Variants in SLC22A5 observed in about 807,000 individuals in gnomAD.
SLC22A5 encodes the protein solute carrier family 22 member 5.
A neutral mutation model predicts 56.7 loss-of-function variants in SLC22A5; 44 were observed. The ratio of observed to expected loss-of-function variants is 0.78; its 90% CI spans 0.61 to 1.00. The LOEUF is 1.00. Among genes scored for constraint, SLC22A5 ranks in the 50% least tolerant of loss-of-function variants. The probability of loss-of-function intolerance (pLI) is 0.00; values close to 1 mark genes in which losing one functional copy is unlikely to be tolerated. For synonymous variants in SLC22A5, 278 were observed against 292.1 expected, an observed-to-expected ratio of 0.95 and a Z score of 0.49; for missense variants, 675 against 723.0, an observed-to-expected ratio of 0.93 and a Z score of 0.76.
intron 1 of SLC22A5, chr5:132,378,053 T>C (rs1023505337): frequency 3.4e-5 from 51 of 1,508,762 alleles, no homozygotes; most frequent in Non-Finnish European, 4.4e-5. Context: ...TCCACAGCCC[T>C]GGGCTCCGCT....
At chr5:132,392,719 C>A in intron 8 of SLC22A5, 104 bp downstream of exon 8, 1 of 963,260 alleles carries the variant, frequency 1.0e-6, no homozygotes, top group Non-Finnish European at 1.6e-6. Flanking sequence ...CAAGTTCATA[C>A]AGTACATGGG....
Position 132,393,767 on chromosome 5 carries a change from T to A in SLC22A5, c.1542T>A (p.Gly514=), listed in dbSNP as rs746506858. The change falls in exon 9 of 10, where the codon GGT becomes GGA. Residue 514 remains glycine, a synonymous_variant. Coordinates refer to ENST00000245407, the MANE Select transcript of SLC22A5 (RefSeq NM_003060.4). ...CCTTGTTTCTCCCAGAGAGCTTCGG[T>A]ACCCCACTCCCAGACACCATTGACC... ...ILTLFLPESF[G]TPLPDTIDQM... is the part of the protein sequence containing the mutation. 2 of 1,614,164 alleles carry A rather than the reference T, an allele frequency of 1.2e-6. No homozygotes were observed. The highest frequency in any genetic ancestry group is 1.7e-6 in the Non-Finnish European group (2 of 1,180,010).
rs4646307 is a variant in SLC22A5, at chr5:132,395,211, CTT to C, written c.*955_*956del. On this transcript the variant is annotated 3_prime_UTR_variant, in exon 10 of 10. Transcript: ENST00000245407. ...GGTTCCTTAGCCTCCTGGTTTGTGT[CTT>C]TTTTTTTTTTTTTTTAAAACAGAAT... is the stretch of plus-strand genomic sequence containing the variant. 7.1e-4 allele frequency: 73 copies of C among 103,438 alleles called. No homozygotes were observed. Among genetic ancestry groups the C allele is most frequent in the East Asian group, 2.6e-3 (10 of 3,854 alleles). The allele number at this position is 103,438 out of a possible 1,614,324, so 6.4% of individuals were successfully genotyped here.
intron 1 of SLC22A5, among the ~76,000 whole-genome samples, chr5:132,374,728 C>T (rs1168849025): frequency 6.7e-6 from 1 of 149,896 alleles, no homozygotes; most frequent in Non-Finnish European, 1.5e-5. Flanking sequence ...AAATTTCTGA[C>T]AGTTGACACA....
At position 132,390,925 on chromosome 5, in the gene SLC22A5, T is replaced by C. The variant is rs1427992851; in HGVS notation, c.1267+21T>C. 2.5e-6 allele frequency: 4 copies of C among 1,590,222 alleles called. No homozygotes were observed. The African/African-American group carries it at 5.4e-5, about 21-fold the overall frequency. On this transcript the variant is annotated intron_variant, in intron 7 of 9. Coordinates refer to ENST00000245407, the MANE Select transcript of SLC22A5 (RefSeq NM_003060.4). Reference sequence around the variant, plus strand: ...CCCAGGTAGGGACCATGTGCATCTATGGTTTGGGGTCTTCACTGAGTCTCT... The same window carrying C: ...CCCAGGTAGGGACCATGTGCATCTACGGTTTGGGGTCTTCACTGAGTCTCT...
Position 132,394,426 on chromosome 5 carries a change from C to T in SLC22A5, c.*154C>T, listed in dbSNP as rs901865393. ...TTGCTCCTGGATGGGCACCCACACT[C>T]AGAGGCTACATATGGCCCTAGAGCA... On this transcript the variant is annotated 3_prime_UTR_variant, in exon 10 of 10. Transcript: ENST00000245407. The T allele has an allele frequency of 1.4e-6, 1 of 711,066 alleles. No individual in the cohort carries two copies. The highest frequency in any genetic ancestry group is 2.6e-6 in the Non-Finnish European group (1 of 389,192). 44.0% of individuals were successfully genotyped at this position (711,066 alleles called of 1,614,324 possible). A position where few individuals can be genotyped will look rare whatever the true frequency, so the allele number is the denominator to read the frequency against.
chr5:132,372,077 C>G (rs1751956548), intron 1 of SLC22A5, among the ~76,000 whole-genome samples: 1 of 152,208 alleles, frequency 6.6e-6, no homozygotes, highest in African/African-American at 2.4e-5. Context: ...CGGAGCCCCA[C>G]TGGGATTTCT....
chr5:132,378,865 A>G (rs1752246225), intron 2 of SLC22A5: 1 of 292,632 alleles, frequency 3.4e-6, no homozygotes, highest in East Asian at 8.3e-5. Flanking sequence ...GATCTGTAGT[A>G]GTGCCACGGT....
chr5:132,369,938 C>A lies in SLC22A5; in HGVS notation c.-35C>A. Reference sequence around the variant, plus strand: ...GCGCAAAGCCCGCCGCGTTCCCCGACCCCAGGCCGCGCTCTGTGGGCCTCT... The same window carrying A: ...GCGCAAAGCCCGCCGCGTTCCCCGAACCCAGGCCGCGCTCTGTGGGCCTCT... On this transcript the variant is annotated 5_prime_UTR_variant, in exon 1 of 10. Transcript: ENST00000245407. 6.2e-7 allele frequency: 1 copy of A among 1,609,764 alleles called. No individual in the cohort carries two copies. The highest frequency in any genetic ancestry group is 8.5e-7 in the Non-Finnish European group (1 of 1,178,594).
At chr5:132,391,009 C>A (rs772724027) in intron 7 of SLC22A5, 105 bp downstream of exon 7, 7 of 908,004 alleles carry the variant, frequency 7.7e-6, no homozygotes, top group Non-Finnish European at 1.2e-5. Context: ...CATCACAGCT[C>A]CCTTGCTTAT....
chr5:132,371,782 G>A (rs1338837503), intron 1 of SLC22A5, among the ~76,000 whole-genome samples: 2 of 152,102 alleles, frequency 1.3e-5, no homozygotes, highest in Non-Finnish European at 2.9e-5. Context: ...AGTTCACAGA[G>A]AGGGGAGAGT....
At chr5:132,381,020 C>T (rs937872318) in intron 2 of SLC22A5, 3 of 152,094 alleles carry the variant, frequency 2.0e-5, no homozygotes, top group African/African-American at 4.8e-5. Flanking sequence ...TCTCACGGAG[C>T]TAAGTGACAG....
intron 1 of SLC22A5, among the ~76,000 whole-genome samples, chr5:132,373,653 A>C (rs985022268): frequency 2.0e-5 from 3 of 152,156 alleles, no homozygotes; most frequent in Admixed American, 6.5e-5. Flanking sequence ...TAATAATAAT[A>C]TTAATAAATA....
intron 1 of SLC22A5, among the ~76,000 whole-genome samples, chr5:132,371,726 T>G (rs554832223): frequency 4.1e-4 from 63 of 152,178 alleles, no homozygotes; most frequent in African/African-American, 1.5e-3. Flanking sequence ...AATAGTGAGC[T>G]GAAGGCCCCA....
Position 132,378,717 on chromosome 5 carries a change from C to T in SLC22A5, c.497+236C>T, listed in dbSNP as rs274567. ...CTGTCTAAGCTGAATGTATCTGTGA[C>T]CCGGTTGACTAGGTAATATGCCATG... is the stretch of plus-strand genomic sequence containing the variant. On this transcript the variant is annotated intron_variant, in intron 2 of 9. Coordinates refer to ENST00000245407, the MANE Select transcript of SLC22A5 (RefSeq NM_003060.4). 225,845 of 543,876 alleles carry T rather than the reference C, an allele frequency of 0.42. 50,058 individuals carry two copies. Among genetic ancestry groups the T allele is most frequent in the East Asian group, 0.66 (20,442 of 30,914 alleles). 33.7% of individuals were successfully genotyped at this position (543,876 alleles called of 1,614,324 possible).
intron 1 of SLC22A5, among the ~76,000 whole-genome samples, chr5:132,375,423 C>T (rs1016271094): frequency 2.6e-5 from 4 of 152,190 alleles, no homozygotes; most frequent in African/African-American, 9.7e-5. Context: ...ACTGTTGATA[C>T]GGTCAGGCTA....
At chr5:132,370,828 G>C in intron 1 of SLC22A5, among the ~76,000 whole-genome samples, 1 of 152,124 alleles carries the variant, frequency 6.6e-6, no homozygotes, top group East Asian at 1.9e-4. Context: ...TAAAGCATGT[G>C]TATACAACTG....
At position 132,385,382 on chromosome 5, in the gene SLC22A5, G is replaced by T; in HGVS notation, c.707G>T (p.Cys236Phe). 1 of 1,613,996 alleles carries T rather than the reference G, an allele frequency of 6.2e-7. No homozygotes were observed. The highest frequency in any genetic ancestry group is 8.5e-7 in the Non-Finnish European group (1 of 1,179,820). ...ATAATATTCTCTACGTTAGGAGTGT[G>T]CATATTTTATGCATTTGGCTACATG... ...VRIIFSTLGV[C>F]IFYAFGYMVL... is the part of the protein sequence containing the mutation. The change falls in exon 4 of 10, where the codon TGC (cysteine) becomes TTC (phenylalanine). Residue 236 changes from cysteine to phenylalanine, a missense_variant. Transcript: ENST00000245407.
chr5:132,390,412 T>A (rs923689422), intron 6 of SLC22A5: 7 of 489,290 alleles, frequency 1.4e-5, no homozygotes, highest in African/African-American at 3.9e-5. Flanking sequence ...TTCAATGAAG[T>A]AAATCTATCT....
Sources: gnomAD v4.1 joint callset for allele counts (sites outside exome capture counted in the v4.1 genomes callset) on GRCh38, gnomAD v4.1.1 for gene constraint, MANE v1.5 for transcripts, NCBI Gene and HGNC (gene_info 2026-07-23, HGNC 2026-07-21) for gene names.